The following TMEM150C variants were observed in gnomAD, a reference collection of about 807,000 sequenced individuals.
The protein encoded by TMEM150C is tentonin 3.
Under a neutral mutation model 29.9 loss-of-function variants are expected in TMEM150C, and 10 were observed. The ratio of observed to expected loss-of-function variants is 0.33; its 90% CI spans 0.21 to 0.57. TMEM150C has a LOEUF of 0.57. Among genes scored for constraint, TMEM150C ranks in the 20% least tolerant of loss-of-function variants. TMEM150C has a pLI of 0.88. For missense variants in TMEM150C, 251 were observed against 303.6 expected (o/e 0.83, Z 1.29); for synonymous variants, 101 against 112.5 (o/e 0.90, Z 0.64).
chr4:82,554,168 C>T (rs1187362173), intron 1 of TMEM150C, among the ~76,000 whole-genome samples: 1 of 152,116 alleles, frequency 6.6e-6, no homozygotes, highest in Non-Finnish European at 1.5e-5. Flanking sequence ...AAATGTCACC[C>T]ACAAGTTAAT....
intron 6 of TMEM150C, chr4:82,490,789 GT>G: frequency 2.3e-6 from 1 of 433,794 alleles, no homozygotes; most frequent in Non-Finnish European, 4.3e-6. Context: ...TACTTTAATT[GT>G]TTTTTAAGTA....
intron 5 of TMEM150C, among the ~76,000 whole-genome samples, chr4:82,497,967 T>C (rs1438587250): frequency 3.9e-5 from 6 of 152,122 alleles, no homozygotes; most frequent in Non-Finnish European, 8.8e-5. Context: ...TTCTAATAAG[T>C]TGTGTATGGC....
At chr4:82,491,846 A>G (rs1303411865) in intron 6 of TMEM150C, among the ~76,000 whole-genome samples, 1 of 151,816 alleles carries the variant, frequency 6.6e-6, no homozygotes, top group Non-Finnish European at 1.5e-5. Context: ...AGGCAAGTCA[A>G]TATTTAATTG....
chr4:82,492,864 G>GTGTGTATATATATATATA (rs71666742), intron 6 of TMEM150C, among the ~76,000 whole-genome samples: 1 of 90,272 alleles, frequency 1.1e-5, no homozygotes, highest in Admixed American at 1.2e-4. Context: ...ATATGTTTGT[G>GTGTGTATATATATATATA]TATATATATA....
chr4:82,545,044 T>C (rs1035736391), intron 1 of TMEM150C, among the ~76,000 whole-genome samples: 1 of 152,192 alleles, frequency 6.6e-6, no homozygotes, highest in Non-Finnish European at 1.5e-5. Flanking sequence ...TAACTCATTT[T>C]ATGAAGCCAG....
intron 1 of TMEM150C, among the ~76,000 whole-genome samples, chr4:82,505,240 T>A (rs937652090): frequency 3.9e-5 from 6 of 152,106 alleles, no homozygotes; most frequent in Non-Finnish European, 8.8e-5. Flanking sequence ...AGAGATGGGG[T>A]CTAGCTATGT....
chr4:82,544,292 G>T (rs1489902316), intron 1 of TMEM150C, among the ~76,000 whole-genome samples: 2 of 152,174 alleles, frequency 1.3e-5, no homozygotes, highest in Non-Finnish European at 2.9e-5. Flanking sequence ...GGCCTCCTTT[G>T]CTGTTAAAGA....
chr4:82,557,939 G>A (rs1328200729), intron 1 of TMEM150C, among the ~76,000 whole-genome samples: 1 of 151,740 alleles, frequency 6.6e-6, no homozygotes, highest in African/African-American at 2.4e-5. Context: ...CACTGTATTG[G>A]CCGGGCTGGT....
chr4:82,494,414 G>T (rs1319671874), intron 6 of TMEM150C, among the ~76,000 whole-genome samples: 1 of 152,184 alleles, frequency 6.6e-6, no homozygotes, highest in African/African-American at 2.4e-5. Context: ...CTTTATACAA[G>T]TCATAAGTGT....
chr4:82,502,561 C>T (rs188302601), intron 5 of TMEM150C, among the ~76,000 whole-genome samples, 166 bp downstream of exon 5: 8 of 152,076 alleles, frequency 5.3e-5, no homozygotes, highest in Admixed American at 3.9e-4. Flanking sequence ...AATGGATGTA[C>T]GAGAGAAAAA....
intron 1 of TMEM150C, among the ~76,000 whole-genome samples, chr4:82,525,908 T>C (rs954647112): frequency 6.6e-6 from 1 of 152,214 alleles, no homozygotes; most frequent in African/African-American, 2.4e-5. Flanking sequence ...TTCTTTTGTT[T>C]TGGTTTTTGC....
intron 1 of TMEM150C, among the ~76,000 whole-genome samples, chr4:82,554,182 CCTG>C (rs1725666550): frequency 1.3e-5 from 2 of 152,130 alleles, no homozygotes; most frequent in African/African-American, 4.8e-5. Context: ...AGTTAATATT[CCTG>C]CTACTACATG....
At chr4:82,510,797 C>T (rs1724098163) in intron 1 of TMEM150C, among the ~76,000 whole-genome samples, 1 of 152,142 alleles carries the variant, frequency 6.6e-6, no homozygotes, top group Non-Finnish European at 1.5e-5. Flanking sequence ...AAATGATGAA[C>T]GAGTCGCCCA....
chr4:82,514,804 G>A (rs973857881), intron 1 of TMEM150C, among the ~76,000 whole-genome samples: 10 of 152,078 alleles, frequency 6.6e-5, no homozygotes, highest in South Asian at 4.2e-4. Flanking sequence ...CACGATGACC[G>A]GAAGACAGGA....
At chr4:82,500,011 A>T (rs73833106) in intron 5 of TMEM150C, among the ~76,000 whole-genome samples, 2,076 of 152,264 alleles carry the variant, frequency 0.014, 49 homozygotes, top group African/African-American at 0.048. Context: ...TATTAGCTTT[A>T]TCCTCACAAC....
chr4:82,545,611 G>A (rs1725352960), intron 1 of TMEM150C, among the ~76,000 whole-genome samples: 1 of 152,182 alleles, frequency 6.6e-6, no homozygotes, highest in South Asian at 2.1e-4. Flanking sequence ...CTCTTTGTGG[G>A]TGGTATGAAT....
chr4:82,558,564 T>C (rs185041065), intron 1 of TMEM150C, among the ~76,000 whole-genome samples: 2 of 152,268 alleles, frequency 1.3e-5, no homozygotes, highest in South Asian at 2.1e-4. Context: ...CTAAAATCTC[T>C]TTGCATGATG....
chr4:82,503,319 C>G (rs1723795935), intron 2 of TMEM150C, among the ~76,000 whole-genome samples: 1 of 152,008 alleles, frequency 6.6e-6, no homozygotes, highest in South Asian at 2.1e-4. Context: ...CAAAACATCC[C>G]CAAAGTAATG....
Position 82,496,086 on chromosome 4 carries a change from G to A in TMEM150C, c.345C>T (p.Thr115=). 6.2e-7 allele frequency: 1 copy of A among 1,613,906 alleles called. No homozygotes were observed. The highest frequency in any genetic ancestry group is 1.1e-5 in the South Asian group (1 of 91,068). The part of the protein sequence containing the change: ...VALCLASFGM[T]LLGNFQLTND... Reference sequence around the variant, plus strand: ...CAAGTACCTGAAAATTACCAAGTAAGGTCATTCCGAAGGAAGCCAGACACA... The same window carrying A: ...CAAGTACCTGAAAATTACCAAGTAAAGTCATTCCGAAGGAAGCCAGACACA... Residue 115 remains threonine, a synonymous_variant, in exon 6 of 8, where the codon ACC becomes ACT. Coordinates refer to ENST00000449862, the MANE Select transcript of TMEM150C (RefSeq NM_001080506.3).
Sources: gnomAD v4.1 joint callset for allele counts (sites outside exome capture counted in the v4.1 genomes callset) on GRCh38, gnomAD v4.1.1 for gene constraint, MANE v1.5 for transcripts, NCBI Gene and HGNC (gene_info 2026-07-23, HGNC 2026-07-21) for gene names.